The following TMEM132D variants were observed in gnomAD, a reference collection of about 807,000 sequenced individuals.
TMEM132D encodes mature OL transmembrane protein.
A neutral mutation model predicts 62.3 loss-of-function variants in TMEM132D; 21 were observed. That is an observed-to-expected ratio of 0.34 (90% CI 0.24 to 0.49). TMEM132D has a LOEUF of 0.49. Ranked by LOEUF, TMEM132D falls within the 20% of genes least tolerant of loss-of-function variation. The pLI, the probability that TMEM132D is intolerant of heterozygous loss-of-function variation, is 0.99. For missense variants in TMEM132D, 1,346 were observed against 1,402.8 expected (o/e 0.96, Z 0.65); for synonymous variants, 621 against 575.6 (o/e 1.08, Z -1.13).
At chr12:129,407,885 G>A (rs4759835) in intron 3 of TMEM132D, among the ~76,000 whole-genome samples, 18,828 of 138,446 alleles carry the variant, frequency 0.14, 1,459 homozygotes, top group East Asian at 0.35. Flanking sequence ...GCGAGACTCC[G>A]ACTCAAAAAA....
At chr12:129,147,296 A>ATATATATACATGTGCATATG in intron 5 of TMEM132D, among the ~76,000 whole-genome samples, 1 of 149,988 alleles carries the variant, frequency 6.7e-6, no homozygotes, top group Non-Finnish European at 1.5e-5. Context: ...GTGCATATGT[A>ATATATATACATGTGCATATG]TATATATACA....
At chr12:129,305,113 G>A (rs1485065265) in intron 4 of TMEM132D, among the ~76,000 whole-genome samples, 8 of 152,180 alleles carry the variant, frequency 5.3e-5, no homozygotes, top group African/African-American at 1.9e-4. Flanking sequence ...GTTTAACTGA[G>A]AGCAGGGACT....
intron 2 of TMEM132D, among the ~76,000 whole-genome samples, chr12:129,680,552 T>C (rs943959668): frequency 6.6e-6 from 1 of 152,112 alleles, no homozygotes; most frequent in Non-Finnish European, 1.5e-5. Flanking sequence ...ATTGACACAA[T>C]GACAAGCCCA....
rs77465397 is a variant in TMEM132D at position 129,277,461 on chromosome 12, A to G, written c.1299+60173T>C. 5.9e-3 allele frequency among the ~76,000 whole-genome samples: 895 copies of G among 152,322 alleles called. 8 individuals are homozygous for G. Among genetic ancestry groups the G allele is most frequent in the African/African-American group, 0.02 (842 of 41,574 alleles). Reference sequence around the variant, plus strand: ...CATTTCAACGGCTGTCCAGTTTTGAATGCTTGTACAAATGATTTTTAAAAT... The same window carrying G: ...CATTTCAACGGCTGTCCAGTTTTGAGTGCTTGTACAAATGATTTTTAAAAT... On this transcript the variant is annotated intron_variant, in intron 4 of 8. Coordinates refer to ENST00000422113, the MANE Select transcript of TMEM132D (RefSeq NM_133448.3). The surrounding 1 kb of genome is among the most constrained non-coding windows in gnomAD (Gnocchi z 4.2).
At chr12:129,589,379 C>T (rs894912552) in intron 2 of TMEM132D, among the ~76,000 whole-genome samples, 3 of 152,128 alleles carry the variant, frequency 2.0e-5, no homozygotes, top group Admixed American at 2.0e-4. Flanking sequence ...CATTAAACCT[C>T]TTTTTCTTTA....
At chr12:129,582,623 C>CT (rs11446843) in intron 2 of TMEM132D, among the ~76,000 whole-genome samples, 76,373 of 145,934 alleles carry the variant, frequency 0.52, 20,068 homozygotes, top group South Asian at 0.67. Flanking sequence ...TTCTTTCTTT[C>CT]TTTTTTTTTT....
intron 4 of TMEM132D, among the ~76,000 whole-genome samples, chr12:129,230,134 A>G (rs1355562236): frequency 6.6e-6 from 1 of 152,244 alleles, no homozygotes; most frequent in African/African-American, 2.4e-5. Context: ...CTTAGACTTC[A>G]TAACCTGCTG....
intron 3 of TMEM132D, among the ~76,000 whole-genome samples, chr12:129,344,456 G>A (rs992950628): frequency 2.0e-5 from 3 of 152,178 alleles, no homozygotes; most frequent in Non-Finnish European, 4.4e-5. Context: ...TAAAGAATGG[G>A]ATTGGGTTAG....
At chr12:129,394,535 T>C (rs1024821493) in intron 3 of TMEM132D, among the ~76,000 whole-genome samples, 15 of 151,904 alleles carry the variant, frequency 9.9e-5, no homozygotes, top group African/African-American at 3.6e-4. Flanking sequence ...CTGTGAGAGG[T>C]AGAATAAAGA....
chr12:129,601,633 A>T (rs956254201), intron 2 of TMEM132D, among the ~76,000 whole-genome samples: 7 of 152,178 alleles, frequency 4.6e-5, no homozygotes, highest in Non-Finnish European at 7.4e-5. Flanking sequence ...GCTTCATTTC[A>T]ATATTTTTGT....
At chr12:129,721,473 C>T (rs1196968116) in intron 1 of TMEM132D, among the ~76,000 whole-genome samples, 6 of 152,136 alleles carry the variant, frequency 3.9e-5, no homozygotes, top group Non-Finnish European at 8.8e-5. Context: ...AACGGGGAAG[C>T]TTCACCAATG....
At chr12:129,395,107 C>T (rs1020427650) in intron 3 of TMEM132D, among the ~76,000 whole-genome samples, 1 of 152,158 alleles carries the variant, frequency 6.6e-6, no homozygotes, top group African/African-American at 2.4e-5. Flanking sequence ...AAACTTCCAT[C>T]AGCAAATATA....
intron 1 of TMEM132D, among the ~76,000 whole-genome samples, chr12:129,812,269 T>C (rs75625912): frequency 0.027 from 4,125 of 151,762 alleles, 117 homozygotes; most frequent in East Asian, 0.056. Context: ...TCTCTCTGTG[T>C]GTCTCTGACA....
chr12:129,114,216 A>G (rs1875814052), intron 5 of TMEM132D, among the ~76,000 whole-genome samples: 1 of 152,214 alleles, frequency 6.6e-6, no homozygotes, highest in East Asian at 1.9e-4. Flanking sequence ...CCCAGCGGAC[A>G]TATGGCAATG....
chr12:129,277,200 CT>C lies in TMEM132D; in HGVS notation c.1299+60433del, dbSNP rs1881027220. Among the ~76,000 whole-genome samples, 1 of 151,964 alleles carries C rather than the reference CT, an allele frequency of 6.6e-6. No individual in the cohort carries two copies. Among genetic ancestry groups the C allele is most frequent in the African/African-American group, 2.4e-5 (1 of 41,320 alleles). ...CTATGGAAACAAGCCTGGCTTTTTC[CT>C]TTTCTTTTATTTTTTCTCACTAAAG... On this transcript the variant is annotated intron_variant, in intron 4 of 8. Coordinates refer to ENST00000422113, the MANE Select transcript of TMEM132D (RefSeq NM_133448.3). This position sits in a 1 kb window ranked among gnomAD's most constrained non-coding sequence, Gnocchi z 4.2.
intron 4 of TMEM132D, among the ~76,000 whole-genome samples, chr12:129,266,558 T>C (rs1880701294): frequency 7.0e-6 from 1 of 143,782 alleles, no homozygotes; most frequent in Admixed American, 7.1e-5. Flanking sequence ...TCCCTTCCTC[T>C]CCTTTCCTCT....
At chr12:129,460,939 G>T (rs150092866) in intron 3 of TMEM132D, among the ~76,000 whole-genome samples, 1 of 152,280 alleles carries the variant, frequency 6.6e-6, no homozygotes, top group East Asian at 1.9e-4. Context: ...GGAAGCAAAT[G>T]TGTGACTGCA....
chr12:129,097,709 C>T lies in TMEM132D; in HGVS notation c.1444-13007G>A, dbSNP rs114738575. ...GCTAATCATAGTCTAGAGTTATCTC[C>T]AGTAAAGGAGAGTTTATATTGTCCA... On this transcript the variant is annotated intron_variant, in intron 5 of 8. Coordinates refer to ENST00000422113, the MANE Select transcript of TMEM132D (RefSeq NM_133448.3). 4.8e-3 allele frequency among the ~76,000 whole-genome samples: 732 copies of T among 152,310 alleles called. 6 individuals carry two copies. Among genetic ancestry groups the T allele is most frequent in the African/African-American group, 0.016 (683 of 41,566 alleles).
intron 5 of TMEM132D, among the ~76,000 whole-genome samples, chr12:129,192,933 G>C (rs1048224107): frequency 1.3e-5 from 2 of 152,172 alleles, no homozygotes; most frequent in Admixed American, 1.3e-4. Context: ...CACTTTGGGA[G>C]GCCGAGGCGG....
Sources: allele counts gnomAD v4.1 joint callset (sites outside exome capture counted in the v4.1 genomes callset), GRCh38; gene constraint gnomAD v4.1.1; non-coding constraint Gnocchi (gnomAD v3.1); transcripts MANE v1.5; gene names NCBI Gene and HGNC (gene_info 2026-07-23, HGNC 2026-07-21).